The following KIF24 variants were observed in gnomAD, a reference collection of about 807,000 sequenced individuals.
KIF24 encodes kinesin-like protein KIF24.
A neutral mutation model predicts 118.9 loss-of-function variants in KIF24; 81 were observed. The ratio of observed to expected loss-of-function variants is 0.68; its 90% CI spans 0.57 to 0.82. The LOEUF is 0.82. KIF24 is among the 40% of genes least tolerant of loss of function. The probability of loss-of-function intolerance (pLI) is 0.00; values close to 1 mark genes in which losing one functional copy is unlikely to be tolerated. For missense variants in KIF24, 1,560 were observed against 1,661.6 expected (o/e 0.94, Z 1.06); for synonymous variants, 599 against 610.0 (o/e 0.98, Z 0.27).
upstream of KIF24, among the ~76,000 whole-genome samples, chr9:34,330,268 C>T (rs1380146894): frequency 3.3e-5 from 5 of 152,064 alleles, no homozygotes; most frequent in Admixed American, 6.6e-5. Context: ...AGCCAGGCGT[C>T]GTGGCGGGCA....
intron 1 of KIF24, among the ~76,000 whole-genome samples, chr9:34,328,856 G>A (rs1412539628): frequency 6.6e-6 from 1 of 152,206 alleles, no homozygotes; most frequent in African/African-American, 2.4e-5. Flanking sequence ...TGGGACTCAA[G>A]AGTTTAGTCT....
chr9:34,322,066 T>A (rs917795307), intron 1 of KIF24, among the ~76,000 whole-genome samples: 4 of 152,220 alleles, frequency 2.6e-5, no homozygotes, highest in African/African-American at 7.2e-5. Context: ...AATTTTTTTT[T>A]AATTTGTTGT....
chr9:34,301,153 C>T (rs1836692063), intron 3 of KIF24, among the ~76,000 whole-genome samples: 1 of 152,170 alleles, frequency 6.6e-6, no homozygotes, highest in Non-Finnish European at 1.5e-5. Flanking sequence ...TCATAACGTC[C>T]TTTGCATCAC....
rs779164372 is a variant in KIF24 at position 34,254,400 on chromosome 9, CAG to C, written c.4085_4086del (p.Pro1362ArgfsTer60). ...YLTCHGPTAA[P>X]EGTVPS ...TGGCTCTAAGACGGCACTGTTCCCT[CAG>C]GGGCTGCGGTGGGCCCGTGGCAGGT... On this transcript the variant is annotated frameshift_variant, in exon 13 of 13. Transcript: ENST00000402558. LOFTEE classifies it high-confidence loss of function. 28 of 1,613,502 alleles carry C rather than the reference CAG, an allele frequency of 1.7e-5. No homozygotes were observed. The highest frequency in any genetic ancestry group is 1.7e-4 in the Middle Eastern group (1 of 5,990).
Position 34,257,805 on chromosome 9 carries a change from G to A in KIF24, c.1802C>T (p.Pro601Leu). ...ATGGACCTTCCCTCTCGTGGAACCA[G>A]GGGCTGCCACTGTGAGTGACTGCTG... ...GFQQSLTVAA[P>L]GSTRGKVHPL... Residue 601 changes from proline (P) to leucine (L), a missense_variant, in exon 11 of 13, where the codon CCT becomes CTT. Physicochemically the swap from Pro to Leu is moderately conservative, Grantham distance 98 (BLOSUM62 -3). This residue lies in a region of KIF24 where 964 missense variants were observed against 988.0 expected (regional missense o/e 0.98). Transcript: ENST00000402558. The A allele has an allele frequency of 6.2e-7, 1 of 1,614,034 alleles. No individual in the cohort carries two copies. Among genetic ancestry groups the A allele is most frequent in the Non-Finnish European group, 8.5e-7 (1 of 1,179,902 alleles).
At chr9:34,262,671 A>T (rs1388699862) in intron 9 of KIF24, among the ~76,000 whole-genome samples, 705 of 33,164 alleles carry the variant, frequency 0.021, 20 homozygotes, top group Non-Finnish European at 0.028. Context: ...AAAAAAAAAA[A>T]AAAAATATAT....
At chr9:34,294,939 G>C (rs967924558) in intron 4 of KIF24, among the ~76,000 whole-genome samples, 1 of 152,056 alleles carries the variant, frequency 6.6e-6, no homozygotes, top group Non-Finnish European at 1.5e-5. Flanking sequence ...TGTTACTCAC[G>C]TATATAAAAC....
intron 6 of KIF24, among the ~76,000 whole-genome samples, chr9:34,275,443 C>T (rs1164756793): frequency 2.6e-5 from 4 of 151,986 alleles, no homozygotes; most frequent in Admixed American, 2.6e-4. Flanking sequence ...TGGCTTATGC[C>T]TGTAATCCCA....
At chr9:34,280,346 G>C (rs1274678676) in intron 6 of KIF24, among the ~76,000 whole-genome samples, 2 of 149,152 alleles carry the variant, frequency 1.3e-5, no homozygotes, top group Non-Finnish European at 3.0e-5. Flanking sequence ...CCAGGATGCA[G>C]GGGTTGACTC....
intron 9 of KIF24, among the ~76,000 whole-genome samples, chr9:34,262,776 G>C (rs1315535921): frequency 6.9e-6 from 1 of 145,818 alleles, no homozygotes; most frequent in Non-Finnish European, 1.5e-5. Context: ...TGGGAGGATT[G>C]CTTGAGCCTG....
At chr9:34,270,148 G>C (rs1266398559) in intron 7 of KIF24, among the ~76,000 whole-genome samples, 1 of 151,548 alleles carries the variant, frequency 6.6e-6, no homozygotes, top group Non-Finnish European at 1.5e-5. Flanking sequence ...TTGAACCCGG[G>C]AGGCGGAGGT....
At chr9:34,307,724 C>T (rs7021100) in intron 2 of KIF24, among the ~76,000 whole-genome samples, 34,146 of 151,568 alleles carry the variant, frequency 0.23, 4,523 homozygotes, top group East Asian at 0.61. Context: ...ACCAGCCTGG[C>T]CAACATGGTG....
chr9:34,267,460 A>G (rs1835337159), intron 8 of KIF24, among the ~76,000 whole-genome samples: 2 of 152,130 alleles, frequency 1.3e-5, no homozygotes, highest in South Asian at 4.1e-4. Flanking sequence ...GCCAAAAAAT[A>G]TAGAACCTAA....
In KIF24 at chr9:34,319,254, G is replaced by A. The variant is rs1837435146; in HGVS notation, c.-25-7883C>T. On this transcript the variant is annotated intron_variant, in intron 1 of 12. Transcript: ENST00000402558. ...GAGCCCCTCGAGGCCTTAAAAAGCT[G>A]GTAACCAAAGAGCAGCTGAAGATCT... 5 of 1,294,170 alleles carry A rather than the reference G, an allele frequency of 3.9e-6. 1 individual carries two copies. The South Asian group carries it at 5.9e-5, about 15-fold the overall frequency. 80.2% of individuals were successfully genotyped at this position (1,294,170 alleles called of 1,614,324 possible). A position where few individuals can be genotyped will look rare whatever the true frequency, so the allele number is the denominator to read the frequency against.
intron 1 of KIF24, among the ~76,000 whole-genome samples, chr9:34,328,341 T>A (rs192708235): frequency 1.7e-4 from 26 of 152,310 alleles, no homozygotes; most frequent in Non-Finnish European, 2.9e-4. Flanking sequence ...GGAGATAAAT[T>A]ATCTTGGCAT....
rs920559361 is a variant in KIF24 at position 34,257,411 on chromosome 9, C to T, written c.2196G>A (p.Glu732=). ...TGCCCCTCTGGCTGTCTTGACTGTACTCAGCCCTGTGGTGGGCGTTGCCAA... is the reference window on the plus strand; with the variant it reads ...TGCCCCTCTGGCTGTCTTGACTGTATTCAGCCCTGTGGTGGGCGTTGCCAA... ...LSFGNAHHRA[E]YSQDSQRGTP... The change falls in exon 11 of 13, where the codon GAG becomes GAA. Residue 732 remains glutamate (E), a synonymous_variant. Transcript: ENST00000402558. The T allele has an allele frequency of 1.9e-6, 3 of 1,614,038 alleles. No individual in the cohort carries two copies. The highest frequency in any genetic ancestry group is 2.5e-6 in the Non-Finnish European group (3 of 1,179,900).
intron 5 of KIF24, among the ~76,000 whole-genome samples, chr9:34,288,326 C>CA (rs1836126871): frequency 6.6e-6 from 1 of 151,620 alleles, no homozygotes; most frequent in Non-Finnish European, 1.5e-5. Context: ...CCTGTGTCTA[C>CA]AAAAAATAAA....
At chr9:34,286,059 T>C (rs556735128) in intron 6 of KIF24, among the ~76,000 whole-genome samples, 134 of 151,436 alleles carry the variant, frequency 8.8e-4, no homozygotes, top group African/African-American at 3.0e-3. Flanking sequence ...TAAGGCTGGG[T>C]GCGGTGGCTC....
chr9:34,283,599 CATT>C (rs1452207924), intron 6 of KIF24, among the ~76,000 whole-genome samples: 13 of 152,048 alleles, frequency 8.5e-5, no homozygotes, highest in Non-Finnish European at 1.9e-4. Flanking sequence ...CATTAAAAGA[CATT>C]ATGATGAAAC....
Sources: gnomAD v4.1 joint callset for allele counts (sites outside exome capture counted in the v4.1 genomes callset) on GRCh38, gnomAD v4.1.1 for gene constraint, gnomAD v4.1.1 regional missense constraint, MANE v1.5 for transcripts, NCBI Gene and HGNC (gene_info 2026-07-23, HGNC 2026-07-21) for gene names.